Variants in ADRA1B observed in about 807,000 individuals in gnomAD.
The protein encoded by ADRA1B is alpha-1B adrenergic receptor.
ADRA1B carries 17 observed loss-of-function variants against 17.9 expected under a neutral mutation model. That is an observed-to-expected ratio of 0.95 (90% CI 0.65 to 1.42). The LOEUF is 1.42. Ranked by LOEUF, ADRA1B falls within the 40% of genes most tolerant of loss-of-function variation. The probability of loss-of-function intolerance (pLI) is 0.00; values close to 1 mark genes in which losing one functional copy is unlikely to be tolerated. For synonymous variants in ADRA1B, 366 were observed against 327.6 expected (o/e 1.12, Z -1.27); for missense variants, 681 against 722.1 (o/e 0.94, Z 0.65).
chr5:159,933,431 A>G (rs115000732), intron 1 of ADRA1B, among the ~76,000 whole-genome samples: 4,049 of 152,324 alleles, frequency 0.027, 80 homozygotes, highest in Non-Finnish European at 0.036. Flanking sequence ...CACATCCACA[A>G]AGTCTGTTTC....
At chr5:159,912,351 A>G (rs1754235515), upstream of ADRA1B, among the ~76,000 whole-genome samples, 1 of 152,256 alleles carries the variant, frequency 6.6e-6, no homozygotes, top group African/African-American at 2.4e-5. Context: ...GACCAGGGTC[A>G]TAGTAAACAT....
chr5:159,976,796 A>G (rs966722231), downstream of ADRA1B, among the ~76,000 whole-genome samples: 7 of 152,192 alleles, frequency 4.6e-5, no homozygotes, highest in African/African-American at 1.4e-4. Flanking sequence ...GGAAGCATAC[A>G]TGTGTTAGGA....
At chr5:159,902,959 A>G (rs1310744253) in intron 1 of ADRA1B, among the ~76,000 whole-genome samples, 1 of 152,206 alleles carries the variant, frequency 6.6e-6, no homozygotes, top group East Asian at 1.9e-4. Flanking sequence ...GCTCTCGGAC[A>G]GAACACGTCA....
chr5:159,884,507 G>A (rs1753902367), intron 1 of ADRA1B, among the ~76,000 whole-genome samples: 1 of 152,156 alleles, frequency 6.6e-6, no homozygotes, highest in Admixed American at 6.5e-5. Flanking sequence ...ACAACAAGGA[G>A]GGCCTCACCA....
intron 1 of ADRA1B, chr5:159,869,082 G>A (rs1581013946): frequency 1.3e-5 from 2 of 152,040 alleles, no homozygotes; most frequent in South Asian, 2.1e-4. Context: ...AACTGAAATC[G>A]GGCACACATA....
At chr5:159,865,525 C>A (rs1205093610) in intron 1 of ADRA1B, among the ~76,000 whole-genome samples, 6 of 152,170 alleles carry the variant, frequency 3.9e-5, no homozygotes, top group Admixed American at 3.3e-4. Flanking sequence ...TCATTTGTTT[C>A]CAGTTTCTTG....
intron 1 of ADRA1B, among the ~76,000 whole-genome samples, chr5:159,942,064 A>C (rs1406313409): frequency 1.3e-5 from 2 of 151,950 alleles, no homozygotes; most frequent in Non-Finnish European, 2.9e-5. Flanking sequence ...TTGGGACTAC[A>C]GGTGCCCGCC....
At chr5:159,959,856 CT>C (rs1217484197) in intron 1 of ADRA1B, among the ~76,000 whole-genome samples, 7 of 151,488 alleles carry the variant, frequency 4.6e-5, no homozygotes, top group Admixed American at 4.6e-4. Flanking sequence ...TAGTTCTGGC[CT>C]TCCCCACCCC....
intron 1 of ADRA1B, among the ~76,000 whole-genome samples, chr5:159,939,278 AGTGT>A (rs70987981): frequency 0.13 from 13,029 of 97,276 alleles, 1,015 homozygotes; most frequent in Non-Finnish European, 0.15. Context: ...AGAGAGAGAG[AGTGT>A]GTGTGTGTGT....
chr5:159,961,857 GCTTTAGGTCC>G (rs1031315401), intron 1 of ADRA1B, among the ~76,000 whole-genome samples: 1 of 152,188 alleles, frequency 6.6e-6, no homozygotes, highest in Non-Finnish European at 1.5e-5. Context: ...GATAAATGAT[GCTTTAGGTCC>G]CCACGCCACA....
chr5:159,983,245 C>T, the ADRA1B span, among the ~76,000 whole-genome samples: 1 of 152,180 alleles, frequency 6.6e-6, no homozygotes, highest in African/African-American at 2.4e-5. Flanking sequence ...CCCTCTGCTG[C>T]TTCAGAAAGC....
chr5:159,899,419 C>G (rs75758582), intron 1 of ADRA1B, among the ~76,000 whole-genome samples: 1 of 152,202 alleles, frequency 6.6e-6, no homozygotes, highest in Non-Finnish European at 1.5e-5. Context: ...GAAAGACTAA[C>G]ATGATTGACA....
At chr5:159,881,987 C>T (rs1753868373) in intron 1 of ADRA1B, among the ~76,000 whole-genome samples, 1 of 152,090 alleles carries the variant, frequency 6.6e-6, no homozygotes, top group South Asian at 2.1e-4. Flanking sequence ...ATTTGTGGCT[C>T]CTTAGCATCT....
intron 1 of ADRA1B, among the ~76,000 whole-genome samples, chr5:159,939,899 G>A (rs996831951): frequency 2.0e-5 from 3 of 152,128 alleles, no homozygotes; most frequent in South Asian, 2.1e-4. Flanking sequence ...CATCTTCCAC[G>A]ATTCCCCAGG....
chr5:159,934,754 T>C (rs1754907001), intron 1 of ADRA1B, among the ~76,000 whole-genome samples: 1 of 149,738 alleles, frequency 6.7e-6, no homozygotes, highest in Non-Finnish European at 1.5e-5. Context: ...GGGTGGAGGT[T>C]GCAGTAAGCG....
chr5:159,910,197 T>C (rs547547266), intron 1 of ADRA1B, among the ~76,000 whole-genome samples: 25 of 152,332 alleles, frequency 1.6e-4, no homozygotes, highest in African/African-American at 5.5e-4. Flanking sequence ...ACACAGACTA[T>C]ATACAGTTCA....
chr5:159,932,295 C>G (rs1323434868), intron 1 of ADRA1B, among the ~76,000 whole-genome samples: 2 of 151,952 alleles, frequency 1.3e-5, no homozygotes, highest in Non-Finnish European at 2.9e-5. Context: ...TAGCAGGGAC[C>G]ACAGGTGTGC....
intron 1 of ADRA1B, among the ~76,000 whole-genome samples, chr5:159,888,868 T>C (rs943988682): frequency 6.6e-6 from 1 of 152,204 alleles, no homozygotes; most frequent in African/African-American, 2.4e-5. Flanking sequence ...AACCTACTTG[T>C]TTACCTGAAC....
At chr5:159,879,857 G>T (rs111930647) in intron 1 of ADRA1B, among the ~76,000 whole-genome samples, 1 of 152,046 alleles carries the variant, frequency 6.6e-6, no homozygotes, top group South Asian at 2.1e-4. Context: ...TTAGCTGGGC[G>T]TGGTGGCGGG....
Sources: gnomAD v4.1 joint callset for allele counts (sites outside exome capture counted in the v4.1 genomes callset) on GRCh38, gnomAD v4.1.1 for gene constraint, MANE v1.5 for transcripts, NCBI Gene and HGNC (gene_info 2026-07-23, HGNC 2026-07-21) for gene names.